VSIG1: variants seen among roughly 807,000 people sequenced by gnomAD.
The protein encoded by VSIG1 is V-set and immunoglobulin domain containing 1, also known as V-set and immunoglobulin domain-containing protein 1.
Under a neutral mutation model 20.1 loss-of-function variants are expected in VSIG1, and 11 were observed. The ratio of observed to expected loss-of-function variants is 0.55; its 90% CI spans 0.34 to 0.91. The LOEUF is 0.91. Ranked by LOEUF, VSIG1 falls within the 40% of genes least tolerant of loss-of-function variation. The pLI is 0.02. For synonymous variants in VSIG1, 126 were observed against 116.7 expected, an observed-to-expected ratio of 1.08 and a Z score of -0.52; for missense variants, 283 against 298.8, an observed-to-expected ratio of 0.95 and a Z score of 0.39.
chrX:108,068,198 AC>A (rs2031171291), intron 3 of VSIG1, among the ~76,000 whole-genome samples: 1 of 111,877 alleles, frequency 8.9e-6, no homozygotes, highest in African/African-American at 3.3e-5. Flanking sequence ...GCATCTACCC[AC>A]CTGGGAAAGA....
At chrX:108,030,066 C>T in the VSIG1 span, among the ~76,000 whole-genome samples, 2 of 112,116 alleles carry the variant, frequency 1.8e-5, no homozygotes, top group East Asian at 5.6e-4. Context: ...TTTCCTTTTG[C>T]TCTAAAGAAT....
chrX:108,075,052 GT>G (rs2147936296), intron 5 of VSIG1, among the ~76,000 whole-genome samples: 2 of 112,110 alleles, frequency 1.8e-5, no homozygotes, highest in East Asian at 5.6e-4. Context: ...AGTATACTGT[GT>G]TCCTCAGCTG....
chrX:108,037,862 T>C, the VSIG1 span, among the ~76,000 whole-genome samples: 2 of 111,796 alleles, frequency 1.8e-5, no homozygotes, highest in South Asian at 3.7e-4. Context: ...AAGTAAATTG[T>C]GTATTATGTG....
At chrX:108,041,553 CGTGT>C (rs371173365), upstream of VSIG1, among the ~76,000 whole-genome samples, 628 of 99,887 alleles carry the variant, frequency 6.3e-3, 2 homozygotes, top group Admixed American at 0.014. Context: ...TAAAAAACCT[CGTGT>C]GTGTGTGTGT....
chrX:108,074,862 C>G (rs1195091787), intron 5 of VSIG1, among the ~76,000 whole-genome samples: 1 of 111,514 alleles, frequency 9.0e-6, no homozygotes, highest in Non-Finnish European at 1.9e-5. Flanking sequence ...CATGGCATGT[C>G]TCTGAGGGAA....
the VSIG1 span, among the ~76,000 whole-genome samples, chrX:108,029,860 G>A: frequency 1.1e-3 from 126 of 111,603 alleles, no homozygotes; most frequent in African/African-American, 3.8e-3. Flanking sequence ...CAGAAGAGTA[G>A]GGAGGCCAGG....
intron 1 of VSIG1, among the ~76,000 whole-genome samples, chrX:108,050,945 C>A (rs2030772747): frequency 9.0e-6 from 1 of 110,886 alleles, no homozygotes. Context: ...TGTTTCCCAC[C>A]CAGCAGAAGA....
chrX:108,074,950 G>A (rs1033879783), intron 5 of VSIG1, among the ~76,000 whole-genome samples: 3 of 111,675 alleles, frequency 2.7e-5, no homozygotes, highest in African/African-American at 6.5e-5. Flanking sequence ...TGGAAATTTC[G>A]GGATGAGTGA....
chrX:108,073,370 G>A lies in VSIG1; in HGVS notation c.688+1G>A, dbSNP rs1357354685. 1.1e-5 allele frequency: 13 copies of A among 1,208,280 alleles called. No homozygotes were observed. Among genetic ancestry groups the A allele is most frequent in the Admixed American group, 4.4e-5 (2 of 45,678 alleles). ...TGCGAAATCGATCTCACTTCTTCAC[G>A]TGAGTTGACCATACAACTTTAACGG... On this transcript the variant is annotated splice_donor_variant, in intron 5 of 6. Transcript: ENST00000217957. LOFTEE classifies it high-confidence loss of function.
chrX:108,058,640 G>T (rs2030959973), intron 2 of VSIG1, among the ~76,000 whole-genome samples: 1 of 111,499 alleles, frequency 9.0e-6, no homozygotes, highest in South Asian at 3.8e-4. Context: ...CTAGCTCACT[G>T]TGCTAGACTG....
At chrX:108,024,653 TTCA>T in the VSIG1 span, among the ~76,000 whole-genome samples, 1 of 110,562 alleles carries the variant, frequency 9.0e-6, no homozygotes. Context: ...TGTTTTCATC[TTCA>T]TCATCATCAT....
intron 4 of VSIG1, 86 bp from the exon 5 acceptor site, chrX:108,073,164 G>C: frequency 9.4e-7 from 1 of 1,063,342 alleles, no homozygotes; most frequent in Non-Finnish European, 1.3e-6. Context: ...ATATGGGGGA[G>C]TGGGTGGACA....
In VSIG1 at chrX:108,059,378, G is replaced by A. The variant is rs553469548; in HGVS notation, c.213+1177G>A. ...TTTGTTTAGCAGGAAATGCCGTACA[G>A]GGGGAGATTCCATCAATGCCACTCT... On this transcript the variant is annotated intron_variant, in intron 2 of 6. Transcript: ENST00000217957. Among the ~76,000 whole-genome samples, 19 of 111,516 alleles carry A rather than the reference G, an allele frequency of 1.7e-4. No homozygotes were observed. The South Asian group carries it at 7.1e-3, about 42-fold the overall frequency.
Position 108,077,498 on chromosome X carries a change from A to G in VSIG1, c.*117A>G, listed in dbSNP as rs1349001945. 4.6e-6 allele frequency: 4 copies of G among 869,290 alleles called. No individual in the cohort carries two copies. Among genetic ancestry groups the G allele is most frequent in the Non-Finnish European group, 6.4e-6 (4 of 620,299 alleles). 71.6% of individuals were successfully genotyped at this position (869,290 alleles called of 1,213,427 possible). On this transcript the variant is annotated 3_prime_UTR_variant, in exon 7 of 7. Coordinates refer to ENST00000217957, the MANE Select transcript of VSIG1 (RefSeq NM_182607.5). The stretch of plus-strand genomic sequence containing the variant: ...CATTTTGACCAACCTTCTTCTAACA[A>G]GGTGCTCATTCCTACTATGAATCCA...
At chrX:108,040,468 T>G (rs1251490130), upstream of VSIG1, among the ~76,000 whole-genome samples, 2 of 112,136 alleles carry the variant, frequency 1.8e-5, no homozygotes, top group Non-Finnish European at 3.8e-5. Context: ...AATGGAGGTA[T>G]GGTTTGTAAA....
intron 1 of VSIG1, among the ~76,000 whole-genome samples, chrX:108,049,425 C>A (rs892828147): frequency 6.4e-4 from 72 of 112,197 alleles, no homozygotes; most frequent in African/African-American, 2.1e-3. Context: ...GTGTTCAGCA[C>A]TGTTTGTGGC....
upstream of VSIG1, among the ~76,000 whole-genome samples, chrX:108,044,596 A>G (rs1359041186): frequency 8.9e-6 from 1 of 111,843 alleles, no homozygotes; most frequent in Non-Finnish European, 1.9e-5. Flanking sequence ...TCACACAGAA[A>G]TGAATGCTTT....
At chrX:108,069,455 G>A (rs756595159) in intron 3 of VSIG1, among the ~76,000 whole-genome samples, 6 of 111,933 alleles carry the variant, frequency 5.4e-5, no homozygotes, top group Admixed American at 2.8e-4. Context: ...AAATTGCAGC[G>A]ACTATTTGCA....
chrX:108,061,560 C>A, intron 2 of VSIG1: 1 of 1,113,457 alleles, frequency 9.0e-7, no homozygotes, highest in Non-Finnish European at 1.2e-6. Context: ...TGGTGTACTA[C>A]TGGACTTCTT....
Sources: gnomAD v4.1 joint callset for allele counts (sites outside exome capture counted in the v4.1 genomes callset) on GRCh38, gnomAD v4.1.1 for gene constraint, MANE v1.5 for transcripts, NCBI Gene and HGNC (gene_info 2026-07-23, HGNC 2026-07-21) for gene names.